Variants in HSPA4 observed in about 807,000 individuals in gnomAD.
HSPA4 encodes the protein heat shock 70 kDa protein 4.
HSPA4 carries 25 observed loss-of-function variants against 106.2 expected under a neutral mutation model. That is an observed-to-expected ratio of 0.24 (90% confidence interval 0.17 to 0.33). The LOEUF (loss-of-function observed/expected upper bound fraction) is 0.33. HSPA4 is among the 10% of genes least tolerant of loss of function. HSPA4 has a pLI of 1.00. For missense variants in HSPA4, 841 were observed against 996.0 expected (o/e 0.84, Z 2.10); for synonymous variants, 332 against 333.6 (o/e 1.00, Z 0.05).
At chr5:133,097,954 G>T (rs1248959418) in intron 15 of HSPA4, among the ~76,000 whole-genome samples, 3 of 150,948 alleles carry the variant, frequency 2.0e-5, no homozygotes, top group African/African-American at 4.9e-5. Flanking sequence ...GGTACAGGTG[G>T]TTTTTGGTTA....
intron 17 of HSPA4, among the ~76,000 whole-genome samples, chr5:133,102,728 TTTTG>T (rs372115250): frequency 2.3e-3 from 349 of 152,006 alleles, no homozygotes; most frequent in African/African-American, 7.0e-3. Flanking sequence ...TTTTGTGGGT[TTTTG>T]TTTGTTTGTT....
intron 2 of HSPA4, among the ~76,000 whole-genome samples, chr5:133,065,438 C>T (rs1274616206): frequency 6.6e-6 from 1 of 152,200 alleles, no homozygotes; most frequent in African/African-American, 2.4e-5. Flanking sequence ...GGGACTTGAG[C>T]ATCTGTGGAT....
intron 14 of HSPA4, among the ~76,000 whole-genome samples, chr5:133,096,825 T>G (rs537462958): frequency 0.015 from 2,266 of 152,346 alleles, 27 homozygotes; most frequent in Middle Eastern, 0.037. Context: ...TGAATGAATT[T>G]GATTTTTCTT....
intron 1 of HSPA4, among the ~76,000 whole-genome samples, chr5:133,059,231 T>G (rs968272041): frequency 2.6e-5 from 4 of 151,898 alleles, no homozygotes; most frequent in Admixed American, 2.6e-4. Flanking sequence ...GCGGTTCGCC[T>G]GAGGTCAGGA....
intron 11 of HSPA4, 52 bp from the exon 12 acceptor site, chr5:133,091,139 GCT>G: frequency 7.2e-7 from 1 of 1,395,618 alleles, no homozygotes; most frequent in Non-Finnish European, 1.0e-6. Context: ...ATATATTCAT[GCT>G]TGAATTCATC....
intron 12 of HSPA4, among the ~76,000 whole-genome samples, chr5:133,091,595 A>G (rs1296128456): frequency 3.3e-5 from 5 of 152,322 alleles, no homozygotes; most frequent in South Asian, 2.1e-4. Context: ...CTTTCAGATC[A>G]TACACTTCTC....
rs1300875071 is a variant in HSPA4, at chr5:133,097,294, T to A, written c.1929+8T>A. 6.2e-7 allele frequency: 1 copy of A among 1,610,434 alleles called. No homozygotes were observed. The highest frequency in any genetic ancestry group is 2.2e-5 in the East Asian group (1 of 44,756). On this transcript the variant is annotated splice_region_variant and intron_variant, in intron 15 of 18. Transcript: ENST00000304858. ...AAGTTTGTGAGTGAAGATGTAAGTCTGCCACAATATGCCTAACTACTGTGT... is the reference window on the plus strand; with the variant it reads ...AAGTTTGTGAGTGAAGATGTAAGTCAGCCACAATATGCCTAACTACTGTGT...
At chr5:133,060,816 C>CTTTTT (rs34721359) in intron 1 of HSPA4, among the ~76,000 whole-genome samples, 23 of 95,134 alleles carry the variant, frequency 2.4e-4, no homozygotes, top group African/African-American at 4.5e-4. Flanking sequence ...TGAAACAGGA[C>CTTTTT]TTTTTTTTTT....
intron 6 of HSPA4, among the ~76,000 whole-genome samples, chr5:133,074,843 A>G (rs1363708303): frequency 1.3e-5 from 2 of 152,252 alleles, no homozygotes; most frequent in South Asian, 2.1e-4. Context: ...GGTTTATGCT[A>G]GTTCCACAGT....
At chr5:133,090,112 T>C (rs183886652) in intron 11 of HSPA4, among the ~76,000 whole-genome samples, 2 of 152,152 alleles carry the variant, frequency 1.3e-5, no homozygotes, top group East Asian at 3.9e-4. Context: ...CGAAATTCAG[T>C]TTGGACCCTA....
At chr5:133,062,460 C>G (rs773836352) in intron 1 of HSPA4, among the ~76,000 whole-genome samples, 1 of 152,066 alleles carries the variant, frequency 6.6e-6, no homozygotes, top group Non-Finnish European at 1.5e-5. Flanking sequence ...TAGGCTTATG[C>G]TAGGCAGCCT....
chr5:133,066,756 G>C (rs1170861337), intron 2 of HSPA4, among the ~76,000 whole-genome samples: 5 of 131,698 alleles, frequency 3.8e-5, no homozygotes, highest in Non-Finnish European at 7.9e-5. Flanking sequence ...TTTTTTTTGA[G>C]AGTGCAGTTT....
chr5:133,052,707 C>T (rs1032820786), intron 1 of HSPA4: 6 of 236,346 alleles, frequency 2.5e-5, no homozygotes, highest in African/African-American at 1.4e-4. Context: ...AGACCAGGCC[C>T]AGGTCGTACT....
rs1181832744 is a variant in HSPA4 at position 133,073,293 on chromosome 5, C to G, written c.493C>G (p.Leu165Val). The stretch of plus-strand genomic sequence containing the variant: ...GATGGATGCAACACAGATTGCTGGT[C>G]TTAATTGCTTGCGATTAATGAATGA... ...SVMDATQIAG[L>V]NCLRLMNETT... The change falls in exon 5 of 19, where the codon CTT (leucine) becomes GTT (valine). Residue 165 changes from leucine (L) to valine (V), a missense_variant. Physicochemically the swap from Leu to Val is conservative, Grantham distance 32. Coordinates refer to ENST00000304858, the MANE Select transcript of HSPA4 (RefSeq NM_002154.4). 6.2e-7 allele frequency: 1 copy of G among 1,611,620 alleles called. No individual in the cohort carries two copies. The highest frequency in any genetic ancestry group is 8.5e-7 in the Non-Finnish European group (1 of 1,178,556).
At chr5:133,084,273 GTTC>G (rs1308802378) in intron 7 of HSPA4, among the ~76,000 whole-genome samples, 2 of 152,098 alleles carry the variant, frequency 1.3e-5, no homozygotes, top group Non-Finnish European at 2.9e-5. Flanking sequence ...GCCATTTGTT[GTTC>G]TTCTGTATTG....
Position 133,106,141 on chromosome 5 carries a change from GGTGT to G in HSPA4, c.*1723_*1726del, listed in dbSNP as rs56373873. On this transcript the variant is annotated 3_prime_UTR_variant, in exon 19 of 19. Transcript: ENST00000304858. ...TTTTTTTTTTTTTTTTTTTTTTTTT[GGTGT>G]GTGTGTGTGTGTGTGTGGGGAAGGG... 244 of 53,558 alleles carry G rather than the reference GGTGT, an allele frequency of 4.6e-3. 2 individuals carry two copies. Among genetic ancestry groups the G allele is most frequent in the Non-Finnish European group, 6.6e-3 (192 of 29,008 alleles). The allele number at this position is 53,558 out of a possible 1,614,324, so 3.3% of individuals were successfully genotyped here.
intron 1 of HSPA4, among the ~76,000 whole-genome samples, chr5:133,053,325 C>A (rs11741927): frequency 0.46 from 52,096 of 114,230 alleles, 11,874 homozygotes; most frequent in African/African-American, 0.66. Context: ...CAGGGTCTCT[C>A]TTCTTTTTTT....
At chr5:133,079,361 T>G (rs1006629824) in intron 7 of HSPA4, among the ~76,000 whole-genome samples, 1 of 152,238 alleles carries the variant, frequency 6.6e-6, no homozygotes, top group Non-Finnish European at 1.5e-5. Flanking sequence ...GATTTATCTA[T>G]TCTGGATATT....
At chr5:133,067,593 G>T in intron 3 of HSPA4, 36 bp downstream of exon 3, 2 of 1,520,248 alleles carry the variant, frequency 1.3e-6, no homozygotes, top group South Asian at 1.2e-5. Context: ...TAATTAAAAT[G>T]CATTATTATA....
Sources: gnomAD v4.1 joint callset for allele counts (sites outside exome capture counted in the v4.1 genomes callset) on GRCh38, gnomAD v4.1.1 for gene constraint, MANE v1.5 for transcripts, NCBI Gene and HGNC (gene_info 2026-07-23, HGNC 2026-07-21) for gene names.